TTLL5: variants seen among roughly 807,000 people sequenced by gnomAD.
TTLL5 encodes the protein tubulin tyrosine ligase like 5.
A neutral mutation model predicts 168.4 loss-of-function variants in TTLL5; 132 were observed. The observed-to-expected ratio is 0.78, with a 90% CI of 0.68 to 0.91. The LOEUF is 0.91. Ranked by LOEUF, TTLL5 falls within the 40% of genes least tolerant of loss-of-function variation. TTLL5 has a pLI of 0.00. For synonymous variants in TTLL5, 546 were observed against 558.6 expected (o/e 0.98, Z 0.32); for missense variants, 1,545 against 1,581.5 (o/e 0.98, Z 0.39).
At chr14:75,736,005 A>G (rs2140240458) in intron 15 of TTLL5, among the ~76,000 whole-genome samples, 1 of 152,132 alleles carries the variant, frequency 6.6e-6, no homozygotes, top group African/African-American at 2.4e-5. Context: ...ATCTGGTTTG[A>G]TTGCTTTGCC....
At chr14:75,899,168 C>A (rs766985772) in intron 30 of TTLL5, among the ~76,000 whole-genome samples, 5 of 152,204 alleles carry the variant, frequency 3.3e-5, no homozygotes, top group African/African-American at 1.2e-4. Context: ...CACCATCTTA[C>A]GTAGTCTTCA....
chr14:75,720,754 G>T (rs772918774), intron 12 of TTLL5, 51 bp downstream of exon 12: 6 of 1,493,098 alleles, frequency 4.0e-6, no homozygotes, highest in Non-Finnish European at 4.7e-6. Context: ...ATCTTGGGAA[G>T]TTGGACGGGA....
chr14:75,718,156 G>A (rs1045272328), intron 10 of TTLL5, among the ~76,000 whole-genome samples, 194 bp downstream of exon 10: 1 of 152,104 alleles, frequency 6.6e-6, no homozygotes, highest in Non-Finnish European at 1.5e-5. Context: ...CCCGGTTAAC[G>A]GTGTCACCTT....
At chr14:75,709,054 G>A (rs1277714607) in intron 9 of TTLL5, 1 of 644,558 alleles carries the variant, frequency 1.6e-6, no homozygotes. Flanking sequence ...TGGGCTGTAT[G>A]CAGCCTGTGG....
intron 12 of TTLL5, among the ~76,000 whole-genome samples, chr14:75,728,315 C>A (rs1307292994): frequency 4.7e-5 from 7 of 149,518 alleles, no homozygotes; most frequent in African/African-American, 1.7e-4. Flanking sequence ...GATATTACAC[C>A]ATTGCACTCT....
chr14:75,745,658 C>G (rs980152591), intron 17 of TTLL5, 77 bp downstream of exon 17: 1 of 1,121,472 alleles, frequency 8.9e-7, no homozygotes, highest in Non-Finnish European at 1.3e-6. Flanking sequence ...ACTGTCATCA[C>G]TGCTCCCCCC....
intron 31 of TTLL5, among the ~76,000 whole-genome samples, chr14:75,908,144 T>A (rs919815448): frequency 5.3e-5 from 8 of 152,244 alleles, no homozygotes; most frequent in African/African-American, 1.9e-4. Context: ...AAGCGAGGGA[T>A]GACTGATGCT....
intron 28 of TTLL5, among the ~76,000 whole-genome samples, chr14:75,850,219 C>CA (rs1289465493): frequency 6.6e-6 from 1 of 151,756 alleles, no homozygotes; most frequent in Non-Finnish European, 1.5e-5. Flanking sequence ...CCAGCCTGAC[C>CA]AAAATGGAGA....
At chr14:75,941,106 G>T (rs549014571) in intron 31 of TTLL5, among the ~76,000 whole-genome samples, 18 of 152,326 alleles carry the variant, frequency 1.2e-4, no homozygotes, top group Non-Finnish European at 2.1e-4. Context: ...TTTCTGGGAG[G>T]CCATGAGGGC....
chr14:75,765,896 A>G (rs569009542), intron 19 of TTLL5, among the ~76,000 whole-genome samples, 166 bp from the exon 20 acceptor site: 7 of 152,236 alleles, frequency 4.6e-5, no homozygotes, highest in African/African-American at 1.7e-4. Context: ...AAAATAAATA[A>G]AAGAATATAT....
At chr14:75,834,122 G>A (rs574499494) in intron 28 of TTLL5, among the ~76,000 whole-genome samples, 7 of 152,222 alleles carry the variant, frequency 4.6e-5, no homozygotes, top group Non-Finnish European at 7.3e-5. Context: ...AAACATGCTA[G>A]TAAAAGGCAT....
At chr14:75,716,361 T>C (rs1345869067) in intron 9 of TTLL5, among the ~76,000 whole-genome samples, 1 of 152,228 alleles carries the variant, frequency 6.6e-6, no homozygotes, top group Non-Finnish European at 1.5e-5. Flanking sequence ...GCCTCATGTT[T>C]GTTTATTTTA....
chr14:75,877,960 C>T (rs1012056369), intron 29 of TTLL5, among the ~76,000 whole-genome samples: 1 of 152,234 alleles, frequency 6.6e-6, no homozygotes, highest in African/African-American at 2.4e-5. Flanking sequence ...TCCCATCCCA[C>T]TTAGCCTTGG....
At chr14:75,804,866 C>G (rs1237289241) in intron 27 of TTLL5, among the ~76,000 whole-genome samples, 4 of 151,968 alleles carry the variant, frequency 2.6e-5, no homozygotes, top group Non-Finnish European at 2.9e-5. Context: ...TCCAGTTGAT[C>G]TGATCTAATT....
intron 12 of TTLL5, among the ~76,000 whole-genome samples, chr14:75,723,057 C>T (rs556915715): frequency 3.3e-5 from 5 of 152,088 alleles, no homozygotes; most frequent in East Asian, 1.9e-4. Flanking sequence ...CTCCTGTAGC[C>T]GACTGGAAAC....
intron 31 of TTLL5, among the ~76,000 whole-genome samples, chr14:75,914,633 T>C (rs1284254576): frequency 2.0e-5 from 3 of 147,806 alleles, no homozygotes; most frequent in African/African-American, 5.0e-5. Flanking sequence ...TTTTTTTTTT[T>C]TTTTTTTTGA....
chr14:75,879,310 T>G (rs1483956290), intron 29 of TTLL5, among the ~76,000 whole-genome samples: 2 of 152,232 alleles, frequency 1.3e-5, no homozygotes, highest in African/African-American at 2.4e-5. Flanking sequence ...TTTAAGAATT[T>G]GCTTTCACAA....
At chr14:75,773,417 T>A (rs145463986) in intron 21 of TTLL5, among the ~76,000 whole-genome samples, 2 of 152,084 alleles carry the variant, frequency 1.3e-5, no homozygotes, top group Admixed American at 1.3e-4. Context: ...CTGGAGTAAA[T>A]TGGCACCAAA....
At chr14:75,667,491 A>C (rs1883349336) in intron 2 of TTLL5, among the ~76,000 whole-genome samples, 1 of 152,230 alleles carries the variant, frequency 6.6e-6, no homozygotes, top group South Asian at 2.1e-4. Context: ...AGAAGCAAGC[A>C]AGCCACAAAA....
Sources: gnomAD v4.1 joint callset for allele counts (sites outside exome capture counted in the v4.1 genomes callset) on GRCh38, gnomAD v4.1.1 for gene constraint, MANE v1.5 for transcripts, NCBI Gene and HGNC (gene_info 2026-07-23, HGNC 2026-07-21) for gene names.